The following DLG2 variants were observed in gnomAD, a reference collection of about 807,000 sequenced individuals.
The protein encoded by DLG2 is discs large MAGUK scaffold protein 2.
A neutral mutation model predicts 132.5 loss-of-function variants in DLG2; 45 were observed. The ratio of observed to expected loss-of-function variants is 0.34; its 90% CI spans 0.27 to 0.44. The LOEUF (loss-of-function observed/expected upper bound fraction) is 0.44. DLG2 is among the 20% of genes least tolerant of loss of function. DLG2 has a pLI of 1.00. For synonymous variants in DLG2, 424 were observed against 419.6 expected, an observed-to-expected ratio of 1.01 and a Z score of -0.13; for missense variants, 1,045 against 1,196.9, an observed-to-expected ratio of 0.87 and a Z score of 1.87.
chr11:85,411,834 T>C (rs1015727042), intron 3 of DLG2, among the ~76,000 whole-genome samples: 2 of 151,838 alleles, frequency 1.3e-5, no homozygotes, highest in Non-Finnish European at 2.9e-5. Flanking sequence ...ACAAGAAATA[T>C]AACCAATTTG....
chr11:84,560,072 G>T (rs1317268081), intron 6 of DLG2, among the ~76,000 whole-genome samples: 2 of 152,044 alleles, frequency 1.3e-5, no homozygotes, highest in African/African-American at 4.8e-5. Context: ...AATAAATTCA[G>T]CCTAACAGGT....
chr11:84,879,206 A>G (rs914520698), intron 6 of DLG2, among the ~76,000 whole-genome samples: 5 of 152,098 alleles, frequency 3.3e-5, no homozygotes, highest in African/African-American at 1.2e-4. Flanking sequence ...CAATCACCAA[A>G]GATAAGTTGC....
At chr11:85,575,603 G>A (rs1280483441) in intron 3 of DLG2, among the ~76,000 whole-genome samples, 1 of 151,028 alleles carries the variant, frequency 6.6e-6, no homozygotes, top group Non-Finnish European at 1.5e-5. Flanking sequence ...TTCCTGGAAT[G>A]ATCTGGGCAT....
At chr11:84,752,788 A>C (rs2066339067) in intron 6 of DLG2, among the ~76,000 whole-genome samples, 1 of 129,746 alleles carries the variant, frequency 7.7e-6, no homozygotes, top group Non-Finnish European at 1.6e-5. Context: ...CTCATTGTTC[A>C]ATTCCCACCT....
At chr11:84,330,355 G>C (rs3895900) in intron 7 of DLG2, among the ~76,000 whole-genome samples, 29,638 of 152,006 alleles carry the variant, frequency 0.19, 3,023 homozygotes, top group East Asian at 0.3. Flanking sequence ...CATATCTACA[G>C]TATATTGACT....
intron 8 of DLG2, among the ~76,000 whole-genome samples, chr11:84,237,382 A>G (rs1301047785): frequency 6.6e-6 from 1 of 152,188 alleles, no homozygotes; most frequent in Non-Finnish European, 1.5e-5. Flanking sequence ...GATACTGATT[A>G]TAATGCGCTA....
At chr11:85,037,131 C>A (rs1161409659) in intron 6 of DLG2, among the ~76,000 whole-genome samples, 1 of 152,178 alleles carries the variant, frequency 6.6e-6, no homozygotes, top group Admixed American at 6.5e-5. Flanking sequence ...CATCAACTCA[C>A]CTGAGCAATA....
intron 3 of DLG2, among the ~76,000 whole-genome samples, chr11:85,563,418 T>A (rs1415519675): frequency 2.0e-5 from 3 of 150,650 alleles, no homozygotes; most frequent in Non-Finnish European, 4.4e-5. Flanking sequence ...AATGAGTGGA[T>A]TAAAAAAAAA....
intron 11 of DLG2, among the ~76,000 whole-genome samples, chr11:83,986,382 C>A (rs1459819180): frequency 6.6e-6 from 1 of 151,858 alleles, no homozygotes; most frequent in Non-Finnish European, 1.5e-5. Flanking sequence ...CTACAAAGGA[C>A]AAGAACTCAT....
intron 6 of DLG2, among the ~76,000 whole-genome samples, chr11:84,665,831 T>C (rs955035922): frequency 3.0e-4 from 46 of 152,270 alleles, no homozygotes; most frequent in African/African-American, 1.1e-3. Flanking sequence ...GTGTGATGAG[T>C]GACTATTAGA....
chr11:85,510,896 C>G (rs539173301), intron 3 of DLG2, among the ~76,000 whole-genome samples: 37 of 152,286 alleles, frequency 2.4e-4, no homozygotes, highest in African/African-American at 7.9e-4. Flanking sequence ...GATTATAAAT[C>G]ATGCTGCTAT....
At chr11:85,365,530 C>G in intron 3 of DLG2, among the ~76,000 whole-genome samples, 1 of 152,140 alleles carries the variant, frequency 6.6e-6, no homozygotes, top group East Asian at 1.9e-4. Flanking sequence ...TGTGGTGATT[C>G]CTCAGGTATC....
At chr11:84,827,623 T>TTGATGGAA (rs1486509651) in intron 6 of DLG2, among the ~76,000 whole-genome samples, 2 of 131,430 alleles carry the variant, frequency 1.5e-5, no homozygotes, top group Non-Finnish European at 3.1e-5. Context: ...ACGGTGGAAG[T>TTGATGGAA]TGATGGAAGC....
At chr11:85,506,992 T>G (rs2093950821) in intron 3 of DLG2, among the ~76,000 whole-genome samples, 1 of 152,198 alleles carries the variant, frequency 6.6e-6, no homozygotes, top group African/African-American at 2.4e-5. Flanking sequence ...TCTTTTGATC[T>G]TTGTTGGTTT....
In DLG2 at chr11:83,540,150, A is replaced by T. The variant is rs1258189150; in HGVS notation, c.2117+1532T>A. Among the ~76,000 whole-genome samples, 3 of 152,298 alleles carry T rather than the reference A, an allele frequency of 2.0e-5. No individual in the cohort carries two copies. The South Asian group carries it at 6.2e-4, about 32-fold the overall frequency. ...ATCTTTGGGGCCATAATTCAACAAG[A>T]TGGCTCTTTCTTCTAGAGAACAGCT... On this transcript the variant is annotated intron_variant, in intron 20 of 27. Transcript: ENST00000376104.
intron 6 of DLG2, among the ~76,000 whole-genome samples, chr11:84,734,457 A>G (rs1345569881): frequency 2.6e-5 from 4 of 152,206 alleles, no homozygotes; most frequent in African/African-American, 9.6e-5. Context: ...TTGGTGTATA[A>G]GAATGCTTGT....
rs183199231 is a variant in DLG2 at position 84,936,322 on chromosome 11, G to C, written c.357+175339C>G. Among the ~76,000 whole-genome samples, 362 of 152,086 alleles carry C rather than the reference G, an allele frequency of 2.4e-3. 1 individual carries two copies. The highest frequency in any genetic ancestry group is 8.2e-3 in the African/African-American group (342 of 41,524). ...TCTAAAGTATTTTGTAGTCCTATTA[G>C]AAATTATAGGTTAGCATAAAAATTG... is the stretch of plus-strand genomic sequence containing the variant. On this transcript the variant is annotated intron_variant, in intron 6 of 27. Transcript: ENST00000376104.
At chr11:84,029,197 T>C (rs939513344) in intron 11 of DLG2, among the ~76,000 whole-genome samples, 1 of 152,090 alleles carries the variant, frequency 6.6e-6, no homozygotes, top group Non-Finnish European at 1.5e-5. Flanking sequence ...CTATTGGAAT[T>C]GTGGAGTCTG....
chr11:84,590,038 C>T (rs2099539067), intron 6 of DLG2, among the ~76,000 whole-genome samples: 1 of 152,132 alleles, frequency 6.6e-6, no homozygotes. Flanking sequence ...AAATGTTCAT[C>T]TTTAAATATT....
Sources: allele counts gnomAD v4.1 joint callset (sites outside exome capture counted in the v4.1 genomes callset), GRCh38; gene constraint gnomAD v4.1.1; transcripts MANE v1.5; gene names NCBI Gene and HGNC (gene_info 2026-07-23, HGNC 2026-07-21).